Variants in GRID2 observed in about 807,000 individuals in gnomAD.
GRID2 encodes glutamate ionotropic receptor delta type subunit 2.
Under a neutral mutation model 114.8 loss-of-function variants are expected in GRID2, and 33 were observed. That is an observed-to-expected ratio of 0.29 (90% CI 0.22 to 0.38). The LOEUF (loss-of-function observed/expected upper bound fraction) is 0.38. Ranked by LOEUF, GRID2 falls within the 10% of genes least tolerant of loss-of-function variation. GRID2 has a pLI of 1.00. For synonymous variants in GRID2, 505 were observed against 449.9 expected (o/e 1.12, Z -1.55); for missense variants, 1,184 against 1,257.7 (o/e 0.94, Z 0.89).
At chr4:93,322,281 G>A (rs1757313311) in intron 8 of GRID2, among the ~76,000 whole-genome samples, 1 of 152,032 alleles carries the variant, frequency 6.6e-6, no homozygotes, top group Non-Finnish European at 1.5e-5. Flanking sequence ...CCACCTATGA[G>A]TGAGAACATG....
intron 4 of GRID2, among the ~76,000 whole-genome samples, chr4:93,166,785 T>C (rs1475790816): frequency 2.0e-5 from 3 of 152,118 alleles, no homozygotes; most frequent in African/African-American, 7.2e-5. Flanking sequence ...GCTTTTCTTG[T>C]CTGTCTCCTT....
At chr4:92,924,125 C>A (rs1409558413) in intron 2 of GRID2, among the ~76,000 whole-genome samples, 2 of 152,156 alleles carry the variant, frequency 1.3e-5, no homozygotes, top group Non-Finnish European at 2.9e-5. Context: ...TGGAAACCAT[C>A]ATTCTCAGCA....
intron 2 of GRID2, among the ~76,000 whole-genome samples, chr4:92,779,896 T>G (rs377503140): frequency 6.6e-6 from 1 of 152,156 alleles, no homozygotes; most frequent in Non-Finnish European, 1.5e-5. Flanking sequence ...CACCTTTGTT[T>G]AGGGGAATAT....
intron 2 of GRID2, among the ~76,000 whole-genome samples, chr4:92,850,799 C>T (rs1560638271): frequency 6.6e-6 from 1 of 151,904 alleles, no homozygotes; most frequent in African/African-American, 2.4e-5. Context: ...GAGCAATTTA[C>T]TTCCTTCAGA....
At chr4:93,440,965 A>G (rs1721568881) in intron 10 of GRID2, among the ~76,000 whole-genome samples, 1 of 152,102 alleles carries the variant, frequency 6.6e-6, no homozygotes, top group African/African-American at 2.4e-5. Context: ...GAATGATACC[A>G]TCCAGGAATG....
In GRID2 at chr4:93,049,105, A is replaced by G. The variant is rs550221398; in HGVS notation, c.245-35890A>G. 3.9e-5 allele frequency among the ~76,000 whole-genome samples: 6 copies of G among 152,208 alleles called. No individual in the cohort carries two copies. The South Asian group carries it at 1.2e-3, about 31-fold the overall frequency. ...CTAATAATACTAAATTATTAAAGCA[A>G]TAAAATAATGGGAATTAAGGGCTCC... On this transcript the variant is annotated intron_variant, in intron 2 of 15. Coordinates refer to ENST00000282020, the MANE Select transcript of GRID2 (RefSeq NM_001510.4).
rs138354136 is a variant in GRID2, at chr4:93,099,359, A to G, written c.530-11389A>G. Among the ~76,000 whole-genome samples the G allele has an allele frequency of 4.2e-4, 64 of 152,026 alleles. 1 individual carries two copies. In the East Asian group the frequency reaches 0.012, roughly 28 times the overall value. On this transcript the variant is annotated intron_variant, in intron 3 of 15. Transcript: ENST00000282020. Reference sequence around the variant, plus strand: ...TTGTTTCATTTTGTTTTGGTCAGCTAAAAATTATTTTATGGTCTTAACCTT... The same window carrying G: ...TTGTTTCATTTTGTTTTGGTCAGCTGAAAATTATTTTATGGTCTTAACCTT...
intron 14 of GRID2, among the ~76,000 whole-genome samples, chr4:93,671,014 G>GT: frequency 6.6e-6 from 1 of 152,152 alleles, no homozygotes; most frequent in East Asian, 1.9e-4. Flanking sequence ...GGAATAGTTA[G>GT]TTTGGGTTTG....
intron 2 of GRID2, among the ~76,000 whole-genome samples, chr4:92,773,403 G>C (rs1738627976): frequency 1.3e-5 from 2 of 152,126 alleles, no homozygotes; most frequent in African/African-American, 4.8e-5. Flanking sequence ...TACAGATTCT[G>C]TGCTCATAAT....
intron 2 of GRID2, among the ~76,000 whole-genome samples, chr4:92,619,246 A>G (rs1730154118): frequency 6.6e-6 from 1 of 151,640 alleles, no homozygotes; most frequent in Non-Finnish European, 1.5e-5. Context: ...CATTTTGATA[A>G]TTCTATTTGT....
chr4:93,603,611 A>C (rs1382124920), intron 13 of GRID2, among the ~76,000 whole-genome samples: 1 of 152,196 alleles, frequency 6.6e-6, no homozygotes, highest in Non-Finnish European at 1.5e-5. Flanking sequence ...TATTGAAAGA[A>C]AGTTCCATCT....
At chr4:93,222,528 C>T (rs1745004599) in intron 6 of GRID2, among the ~76,000 whole-genome samples, 1 of 151,598 alleles carries the variant, frequency 6.6e-6, no homozygotes, top group Non-Finnish European at 1.5e-5. Context: ...AGGTTTGTTA[C>T]ATACGTAAAC....
intron 4 of GRID2, among the ~76,000 whole-genome samples, chr4:93,154,833 C>T (rs1198185576): frequency 6.6e-6 from 1 of 151,844 alleles, no homozygotes; most frequent in Non-Finnish European, 1.5e-5. Flanking sequence ...ATTCTGCCTA[C>T]TCGTATTCCT....
At chr4:93,652,721 C>T (rs1466795061) in intron 14 of GRID2, among the ~76,000 whole-genome samples, 1 of 137,846 alleles carries the variant, frequency 7.3e-6, no homozygotes, top group South Asian at 2.4e-4. Context: ...GTCCATGGTA[C>T]TTGGTTATGG....
chr4:93,526,917 T>A (rs1312781387), intron 13 of GRID2, among the ~76,000 whole-genome samples: 1 of 152,238 alleles, frequency 6.6e-6, no homozygotes, highest in African/African-American at 2.4e-5. Context: ...AATTTCCATT[T>A]TGACTTTTTA....
rs536689044 is a variant in GRID2, at chr4:92,798,317, T to A, written c.244+208031T>A. ...TGTACCTGATGAGCTATTAAAAGTG[T>A]GTAAATCAAATAAGCTTATATCAAG... On this transcript the variant is annotated intron_variant, in intron 2 of 15. Coordinates refer to ENST00000282020, the MANE Select transcript of GRID2 (RefSeq NM_001510.4). Among the ~76,000 whole-genome samples the A allele has an allele frequency of 2.0e-5, 3 of 152,112 alleles. No individual in the cohort carries two copies. The East Asian group carries it at 5.8e-4, about 30-fold the overall frequency.
intron 8 of GRID2, among the ~76,000 whole-genome samples, chr4:93,272,392 A>G (rs1386450143): frequency 6.6e-6 from 1 of 152,224 alleles, no homozygotes; most frequent in African/African-American, 2.4e-5. Context: ...TATGTAGGCC[A>G]TACTAGAGCT....
intron 4 of GRID2, among the ~76,000 whole-genome samples, chr4:93,179,656 A>G (rs11935709): frequency 0.012 from 1,870 of 152,306 alleles, 49 homozygotes; most frequent in African/African-American, 0.043. Flanking sequence ...TTAATCATCA[A>G]AACAATTCAA....
intron 1 of GRID2, among the ~76,000 whole-genome samples, chr4:92,359,983 A>G (rs1446209735): frequency 1.3e-5 from 2 of 151,958 alleles, no homozygotes; most frequent in African/African-American, 2.4e-5. Context: ...ATCTATCTGA[A>G]TTGTATTTCT....
Sources: gnomAD v4.1 joint callset for allele counts (sites outside exome capture counted in the v4.1 genomes callset) on GRCh38, gnomAD v4.1.1 for gene constraint, MANE v1.5 for transcripts, NCBI Gene and HGNC (gene_info 2026-07-23, HGNC 2026-07-21) for gene names.